Variants in ZNF804B observed in about 807,000 individuals in gnomAD.
ZNF804B encodes the protein zinc finger 804B.
Under a neutral mutation model 101.4 loss-of-function variants are expected in ZNF804B, and 80 were observed. The observed-to-expected ratio is 0.79, with a 90% CI of 0.66 to 0.95. ZNF804B has a LOEUF of 0.95. Ranked by LOEUF, ZNF804B falls within the 40% of genes least tolerant of loss-of-function variation. ZNF804B has a pLI of 0.00. For missense variants in ZNF804B, 1,673 were observed against 1,561.9 expected (o/e 1.07, Z -1.20); for synonymous variants, 622 against 558.8 (o/e 1.11, Z -1.59).
chr7:89,022,112 A>G (rs1342464359), intron 1 of ZNF804B, among the ~76,000 whole-genome samples: 2 of 151,944 alleles, frequency 1.3e-5, no homozygotes, highest in South Asian at 2.1e-4. Context: ...ATCATAGGAG[A>G]CAGGATAGTA....
At chr7:89,258,434 A>ATT (rs1280300885) in intron 2 of ZNF804B, among the ~76,000 whole-genome samples, 2 of 152,186 alleles carry the variant, frequency 1.3e-5, no homozygotes, top group Non-Finnish European at 2.9e-5. Flanking sequence ...TGGCAGCTTA[A>ATT]TTTTGGTTAC....
chr7:88,794,466 G>C, intron 1 of ZNF804B: 2 of 1,613,826 alleles, frequency 1.2e-6, no homozygotes, highest in South Asian at 2.2e-5. Context: ...GTGTCACATC[G>C]TCGAGATACA....
intron 1 of ZNF804B, among the ~76,000 whole-genome samples, chr7:89,135,410 C>A (rs1790616163): frequency 6.6e-6 from 1 of 152,066 alleles, no homozygotes; most frequent in Non-Finnish European, 1.5e-5. Context: ...ATGACTCCTC[C>A]TTCACATCTA....
At chr7:88,818,714 C>T (rs1360695145) in intron 1 of ZNF804B, among the ~76,000 whole-genome samples, 1 of 152,180 alleles carries the variant, frequency 6.6e-6, no homozygotes, top group Admixed American at 6.5e-5. Flanking sequence ...GGGTGACTTT[C>T]TCCTCTGCCA....
At chr7:89,104,847 T>A (rs1360551224) in intron 1 of ZNF804B, among the ~76,000 whole-genome samples, 1 of 152,086 alleles carries the variant, frequency 6.6e-6, no homozygotes, top group Non-Finnish European at 1.5e-5. Context: ...CTGGAACTGC[T>A]ACTTGATTCT....
At chr7:89,329,194 T>A (rs369043079) in intron 3 of ZNF804B, among the ~76,000 whole-genome samples, 4 of 151,752 alleles carry the variant, frequency 2.6e-5, no homozygotes, top group African/African-American at 9.7e-5. Context: ...TAGGTCACAA[T>A]GTGCCCGTAT....
intron 1 of ZNF804B, among the ~76,000 whole-genome samples, chr7:89,203,416 T>C (rs1788674083): frequency 6.6e-6 from 1 of 152,192 alleles, no homozygotes; most frequent in Non-Finnish European, 1.5e-5. Flanking sequence ...CAAGCATAAG[T>C]AGTTTATAGC....
intron 1 of ZNF804B, among the ~76,000 whole-genome samples, chr7:88,976,178 G>A (rs1470496690): frequency 6.6e-6 from 1 of 151,382 alleles, no homozygotes; most frequent in African/African-American, 2.4e-5. Context: ...TTGAAGTCAG[G>A]TAATGTAATT....
At chr7:89,212,193 C>T (rs1788815301) in intron 1 of ZNF804B, among the ~76,000 whole-genome samples, 1 of 151,586 alleles carries the variant, frequency 6.6e-6, no homozygotes. Context: ...GCTTTGTAGA[C>T]TCAGGGGAAA....
chr7:89,057,379 G>A (rs957903197), intron 1 of ZNF804B, among the ~76,000 whole-genome samples: 10 of 152,136 alleles, frequency 6.6e-5, no homozygotes, highest in African/African-American at 2.4e-4. Flanking sequence ...TGGGGAGGGG[G>A]CAGTTTCAAG....
Position 89,161,310 on chromosome 7 carries a change from T to G in ZNF804B, c.109-56845T>G, listed in dbSNP as rs145326912. ...CTTCTTGAACTTATATATACTAGATTTGGTGCTAAGCTTTGAAAATGAAGC... is the reference window on the plus strand; with the variant it reads ...CTTCTTGAACTTATATATACTAGATGTGGTGCTAAGCTTTGAAAATGAAGC... On this transcript the variant is annotated intron_variant, in intron 1 of 3. Coordinates refer to ENST00000333190, the MANE Select transcript of ZNF804B (RefSeq NM_181646.5). 8.2e-3 allele frequency among the ~76,000 whole-genome samples: 1,245 copies of G among 151,986 alleles called. 16 individuals are homozygous for G. Among genetic ancestry groups the G allele is most frequent in the African/African-American group, 0.028 (1,169 of 41,500 alleles).
intron 2 of ZNF804B, among the ~76,000 whole-genome samples, chr7:89,230,780 A>G (rs1452975930): frequency 6.6e-6 from 1 of 152,024 alleles, no homozygotes; most frequent in Non-Finnish European, 1.5e-5. Context: ...ACATTATTCA[A>G]TCATTATAGT....
intron 1 of ZNF804B, among the ~76,000 whole-genome samples, chr7:88,877,042 TATATATA>T (rs1432910209): frequency 1.0e-4 from 5 of 50,100 alleles, no homozygotes; most frequent in African/African-American, 3.0e-4. Context: ...TATATATATA[TATATATA>T]TTTTTTTTTT....
At chr7:88,793,358 A>T (rs916732358) in intron 1 of ZNF804B, among the ~76,000 whole-genome samples, 1 of 152,146 alleles carries the variant, frequency 6.6e-6, no homozygotes, top group Admixed American at 6.6e-5. Flanking sequence ...GTAAGTGTTA[A>T]TAGTGGGCAG....
At position 89,083,952 on chromosome 7, in the gene ZNF804B, T is replaced by C. The variant is rs574651333; in HGVS notation, c.109-134203T>C. Among the ~76,000 whole-genome samples the C allele has an allele frequency of 5.2e-4, 79 of 151,992 alleles. 2 individuals carry two copies. The South Asian group carries it at 1.0e-2, about 19-fold the overall frequency. On this transcript the variant is annotated intron_variant, in intron 1 of 3. Transcript: ENST00000333190. ...TTTTAGCCACATGATTGTTTCTTCATTGGGTTAATTTACAAAGCCTCATCA... is the reference window on the plus strand; with the variant it reads ...TTTTAGCCACATGATTGTTTCTTCACTGGGTTAATTTACAAAGCCTCATCA...
chr7:88,898,584 T>C, intron 1 of ZNF804B, among the ~76,000 whole-genome samples: 1 of 152,106 alleles, frequency 6.6e-6, no homozygotes, highest in African/African-American at 2.4e-5. Flanking sequence ...GTCACACCTC[T>C]CCCCCGCTTC....
intron 1 of ZNF804B, among the ~76,000 whole-genome samples, chr7:89,013,296 G>A (rs778729742): frequency 2.8e-4 from 42 of 150,104 alleles, no homozygotes; most frequent in Non-Finnish European, 5.5e-4. Flanking sequence ...AGAAACATAT[G>A]AGAATTAGAA....
chr7:89,266,792 A>C (rs112385320), intron 2 of ZNF804B, among the ~76,000 whole-genome samples: 155 of 152,186 alleles, frequency 1.0e-3, no homozygotes, highest in African/African-American at 3.6e-3. Flanking sequence ...GTATATCATA[A>C]AAATAATTAT....
chr7:88,790,957 C>T (rs1038392578), intron 1 of ZNF804B, among the ~76,000 whole-genome samples: 4 of 151,926 alleles, frequency 2.6e-5, no homozygotes, highest in African/African-American at 9.7e-5. Context: ...TATCAGTGAC[C>T]TATATAAGTA....
Sources: allele counts gnomAD v4.1 joint callset (sites outside exome capture counted in the v4.1 genomes callset), GRCh38; gene constraint gnomAD v4.1.1; transcripts MANE v1.5; gene names NCBI Gene and HGNC (gene_info 2026-07-23, HGNC 2026-07-21).